Variants in BACH2 observed in about 807,000 individuals in gnomAD.
BACH2 encodes transcription regulator protein BACH2.
In BACH2, 5 loss-of-function variants were observed where a neutral mutation model predicts 61.8. That is an observed-to-expected ratio of 0.08 (90% CI 0.04 to 0.17). BACH2 has a LOEUF of 0.17. BACH2 is among the 10% of genes least tolerant of loss of function. The probability of loss-of-function intolerance (pLI) is 1.00; values close to 1 mark genes in which losing one functional copy is unlikely to be tolerated. For synonymous variants in BACH2, 446 were observed against 440.1 expected (o/e 1.01, Z -0.17); for missense variants, 824 against 1,091.1 (o/e 0.76, Z 3.45).
intron 6 of BACH2, among the ~76,000 whole-genome samples, chr6:89,956,089 G>A (rs1774410628): frequency 2.0e-5 from 3 of 152,198 alleles, no homozygotes; most frequent in Admixed American, 1.3e-4. Context: ...CAAGGTATGA[G>A]AAACAAATGC....
chr6:89,976,571 C>G (rs1224175806), intron 6 of BACH2, among the ~76,000 whole-genome samples: 1 of 152,216 alleles, frequency 6.6e-6, no homozygotes, highest in Non-Finnish European at 1.5e-5. Flanking sequence ...ATGTCCCTTG[C>G]TTTGCTTATT....
At chr6:90,085,205 T>C (rs986778234) in intron 5 of BACH2, among the ~76,000 whole-genome samples, 2 of 152,172 alleles carry the variant, frequency 1.3e-5, no homozygotes, top group African/African-American at 2.4e-5. Context: ...ACTTGGAGAA[T>C]GTAAAACAGG....
chr6:90,211,721 C>A (rs1280599332), intron 3 of BACH2, among the ~76,000 whole-genome samples: 1 of 152,030 alleles, frequency 6.6e-6, no homozygotes, highest in Non-Finnish European at 1.5e-5. Flanking sequence ...CCAACTCCCA[C>A]CCCCTTCTAT....
At chr6:90,286,365 C>T (rs1772016481) in intron 1 of BACH2, among the ~76,000 whole-genome samples, 1 of 152,120 alleles carries the variant, frequency 6.6e-6, no homozygotes, top group Admixed American at 6.5e-5. Flanking sequence ...CTGACAATGC[C>T]TCTCATTCAT....
intron 4 of BACH2, among the ~76,000 whole-genome samples, chr6:90,142,242 C>T (rs779717180): frequency 1.3e-5 from 2 of 152,176 alleles, no homozygotes; most frequent in Non-Finnish European, 2.9e-5. Flanking sequence ...GAGTGGGAAA[C>T]ATCCATTTCC....
At chr6:90,127,154 T>TA (rs924706302) in intron 4 of BACH2, among the ~76,000 whole-genome samples, 1 of 152,082 alleles carries the variant, frequency 6.6e-6, no homozygotes, top group African/African-American at 2.4e-5. Context: ...CGTTGTTGCA[T>TA]AAAAAAAAGT....
intron 1 of BACH2, 28 bp downstream of exon 1, chr6:90,296,452 G>T (rs1772395001): frequency 6.6e-6 from 1 of 150,460 alleles, no homozygotes; most frequent in Non-Finnish European, 1.5e-5. Context: ...CCAGCGGCGG[G>T]GCCCGGGGCC....
intron 2 of BACH2, among the ~76,000 whole-genome samples, chr6:90,254,836 G>A (rs981028734): frequency 2.0e-5 from 3 of 152,058 alleles, no homozygotes; most frequent in African/African-American, 7.2e-5. Flanking sequence ...CATCTTAAAA[G>A]CCTGAAGAAG....
chr6:90,255,584 G>C (rs1770950732), intron 2 of BACH2, among the ~76,000 whole-genome samples: 1 of 151,954 alleles, frequency 6.6e-6, no homozygotes, highest in Non-Finnish European at 1.5e-5. Context: ...AAGAGAAGAG[G>C]GAAGAAGAAA....
At chr6:90,033,299 T>G (rs1779101121) in intron 5 of BACH2, among the ~76,000 whole-genome samples, 1 of 149,124 alleles carries the variant, frequency 6.7e-6, no homozygotes, top group African/African-American at 2.5e-5. Flanking sequence ...ATGGCACATG[T>G]ATACATATGT....
chr6:90,103,029 A>ATATTTTTTTTTTTTTTTTT, intron 4 of BACH2, among the ~76,000 whole-genome samples: 1 of 21,164 alleles, frequency 4.7e-5, no homozygotes, highest in Non-Finnish European at 8.0e-5. Context: ...ATATATATAT[A>ATATTTTTTTTTTTTTTTTT]TTTTTTTTTT....
intron 1 of BACH2, among the ~76,000 whole-genome samples, chr6:90,277,387 A>C (rs1316301804): frequency 6.6e-6 from 1 of 152,228 alleles, no homozygotes; most frequent in Non-Finnish European, 1.5e-5. Flanking sequence ...GAAGTTAGAC[A>C]CAAAATAGTA....
intron 5 of BACH2, among the ~76,000 whole-genome samples, chr6:90,020,057 C>A (rs1279763607): frequency 3.3e-5 from 5 of 152,162 alleles, no homozygotes; most frequent in Non-Finnish European, 5.9e-5. Flanking sequence ...GTTAGACTAA[C>A]CTGACTGAAG....
intron 1 of BACH2, among the ~76,000 whole-genome samples, chr6:90,276,633 G>A (rs989452432): frequency 6.6e-6 from 1 of 152,152 alleles, no homozygotes; most frequent in South Asian, 2.1e-4. Flanking sequence ...GTGAGAGAGA[G>A]AGGAAATTTC....
intron 4 of BACH2, among the ~76,000 whole-genome samples, chr6:90,092,139 C>T (rs1657214441): frequency 6.6e-6 from 1 of 151,788 alleles, no homozygotes; most frequent in Admixed American, 6.6e-5. Context: ...ACCAGACACT[C>T]CTTGGATACT....
Position 89,999,072 on chromosome 6 carries a change from T to A in BACH2, c.243+9530A>T, listed in dbSNP as rs367783036. Reference sequence around the variant, plus strand: ...GATTCTAACTCTGAGTATTTTGGTGTGGAAACTGTGTTTTCTTGTAACTCA... The same window carrying A: ...GATTCTAACTCTGAGTATTTTGGTGAGGAAACTGTGTTTTCTTGTAACTCA... On this transcript the variant is annotated intron_variant, in intron 6 of 8. Coordinates refer to ENST00000257749, the MANE Select transcript of BACH2 (RefSeq NM_021813.4). Among the ~76,000 whole-genome samples, 17 of 152,356 alleles carry A rather than the reference T, an allele frequency of 1.1e-4. No homozygotes were observed. The East Asian group carries it at 1.9e-3, about 17-fold the overall frequency.
intron 1 of BACH2, among the ~76,000 whole-genome samples, chr6:90,276,922 A>G (rs6899779): frequency 7.9e-5 from 12 of 152,286 alleles, no homozygotes; most frequent in Non-Finnish European, 1.3e-4. Context: ...AATTCTCTCT[A>G]TATGAGAATT....
chr6:90,268,753 T>G (rs1771426055), intron 2 of BACH2, among the ~76,000 whole-genome samples: 1 of 152,168 alleles, frequency 6.6e-6, no homozygotes, highest in African/African-American at 2.4e-5. Flanking sequence ...TGAGAGTCAA[T>G]GTTCATAATG....
At chr6:90,212,546 C>T (rs1769392350) in intron 3 of BACH2, among the ~76,000 whole-genome samples, 1 of 152,196 alleles carries the variant, frequency 6.6e-6, no homozygotes, top group Non-Finnish European at 1.5e-5. Flanking sequence ...AGACGTTTGC[C>T]ATTCTGCTTT....
Sources: allele counts gnomAD v4.1 joint callset (sites outside exome capture counted in the v4.1 genomes callset), GRCh38; gene constraint gnomAD v4.1.1; transcripts MANE v1.5; gene names NCBI Gene and HGNC (gene_info 2026-07-23, HGNC 2026-07-21).